Variants in CDH4 observed in about 807,000 individuals in gnomAD.
CDH4 encodes cadherin-4.
A neutral mutation model predicts 86.0 loss-of-function variants in CDH4; 33 were observed. That is an observed-to-expected ratio of 0.38 (90% confidence interval 0.29 to 0.51). The LOEUF (loss-of-function observed/expected upper bound fraction) is 0.51. Among genes scored for constraint, CDH4 ranks in the 20% least tolerant of loss-of-function variants. The probability of loss-of-function intolerance (pLI) is 0.86; values close to 1 mark genes in which losing one functional copy is unlikely to be tolerated. For missense variants in CDH4, 1,114 were observed against 1,307.4 expected (o/e 0.85, Z 2.28); for synonymous variants, 555 against 549.4 (o/e 1.01, Z -0.14).
At chr20:61,303,458 G>C (rs1600849766) in intron 2 of CDH4, among the ~76,000 whole-genome samples, 1 of 62,936 alleles carries the variant, frequency 1.6e-5, no homozygotes, top group South Asian at 7.6e-4. Context: ...CCCTGCTCTT[G>C]CCATTTTTTT....
At chr20:61,779,678 G>C (rs907712800) in intron 4 of CDH4, among the ~76,000 whole-genome samples, 4 of 152,280 alleles carry the variant, frequency 2.6e-5, no homozygotes, top group Non-Finnish European at 5.9e-5. Flanking sequence ...TGTGAACAGA[G>C]ATGGGCTGGG....
chr20:61,885,409 C>T (rs151023117), intron 7 of CDH4, among the ~76,000 whole-genome samples: 17 of 152,268 alleles, frequency 1.1e-4, no homozygotes, highest in African/African-American at 2.9e-4. Context: ...CCATGCATGG[C>T]GTTTCGTGTC....
chr20:61,808,762 G>A (rs1913745453), intron 4 of CDH4, among the ~76,000 whole-genome samples: 1 of 152,266 alleles, frequency 6.6e-6, no homozygotes, highest in African/African-American at 2.4e-5. Flanking sequence ...CGCTGGCCAA[G>A]GGCGAGTGTC....
At chr20:61,396,317 C>T (rs983122452) in intron 2 of CDH4, among the ~76,000 whole-genome samples, 1 of 152,242 alleles carries the variant, frequency 6.6e-6, no homozygotes, top group Middle Eastern at 3.4e-3. Flanking sequence ...GAGGCCCCTT[C>T]CTTGGAGACC....
chr20:61,910,605 A>G lies in CDH4; in HGVS notation c.1372A>G (p.Lys458Glu). The G allele has an allele frequency of 3.7e-6, 6 of 1,613,132 alleles. No homozygotes were observed. The highest frequency in any genetic ancestry group is 5.1e-6 in the Non-Finnish European group (6 of 1,179,622). ...VTNEGMVTVV[K>E]AVDYELNRAF... ...CAACGAGGGCATGGTCACCGTGGTG[A>G]AGGTGCGTACTCTTCTCACACCCTG... is the stretch of plus-strand genomic sequence containing the variant. Residue 458 changes from lysine to glutamate, a missense_variant and splice_region_variant, in exon 9 of 16, where the codon AAG (lysine) becomes GAG (glutamate). Around this residue, in one of 3 missense-constraint regions of CDH4, gnomAD observed 705 missense variants for 914.1 expected, o/e 0.77. Coordinates refer to ENST00000614565, the MANE Select transcript of CDH4 (RefSeq NM_001794.5).
chr20:61,778,541 C>G (rs1185587604), intron 4 of CDH4, among the ~76,000 whole-genome samples: 1 of 152,034 alleles, frequency 6.6e-6, no homozygotes. Flanking sequence ...AGGGGTGGCT[C>G]TAATTGGCGG....
At chr20:61,682,234 A>G (rs1303810085) in intron 2 of CDH4, among the ~76,000 whole-genome samples, 1 of 151,234 alleles carries the variant, frequency 6.6e-6, no homozygotes, top group Non-Finnish European at 1.5e-5. Context: ...GGATGGATGG[A>G]TGGTTGGACA....
rs536688353 is a variant in CDH4, at chr20:61,312,870, C to A, written c.169+57933C>A. Among the ~76,000 whole-genome samples, 27 of 152,300 alleles carry A rather than the reference C, an allele frequency of 1.8e-4. No homozygotes were observed. The South Asian group carries it at 5.6e-3, about 32-fold the overall frequency. The stretch of plus-strand genomic sequence containing the variant: ...GCCTGCATTTCCCACCCATCCTCGG[C>A]TTGCTCTTGCCTGCCCAGTGCAGAG... On this transcript the variant is annotated intron_variant, in intron 2 of 15. Coordinates refer to ENST00000614565, the MANE Select transcript of CDH4 (RefSeq NM_001794.5).
chr20:61,465,057 C>T (rs1157928775), intron 2 of CDH4, among the ~76,000 whole-genome samples: 1 of 152,210 alleles, frequency 6.6e-6, no homozygotes, highest in East Asian at 1.9e-4. Flanking sequence ...TATGCCTTCA[C>T]ATTTAAAAGA....
In CDH4 at chr20:61,676,376, A is replaced by G. The variant is rs562487578; in HGVS notation, c.170-67187A>G. ...GCATTAGCACCTTCTTTCCATTCCA[A>G]TTTGGATCTTCCAAGGCATCCATCT... On this transcript the variant is annotated intron_variant, in intron 2 of 15. Transcript: ENST00000614565. This position sits in a 1 kb window ranked among gnomAD's most constrained non-coding sequence, Gnocchi z 4.5. Among the ~76,000 whole-genome samples the G allele has an allele frequency of 1.3e-5, 2 of 152,276 alleles. No individual in the cohort carries two copies. The highest frequency in any genetic ancestry group is 2.4e-5 in the African/African-American group (1 of 41,566).
intron 2 of CDH4, among the ~76,000 whole-genome samples, chr20:61,696,550 C>T (rs948971375): frequency 7.9e-5 from 12 of 152,214 alleles, no homozygotes; most frequent in Admixed American, 4.6e-4. Flanking sequence ...GTCCTTAAGA[C>T]GGGACCGGGG....
chr20:61,781,883 C>T (rs1031784818), intron 4 of CDH4, among the ~76,000 whole-genome samples: 1 of 152,152 alleles, frequency 6.6e-6, no homozygotes, highest in Non-Finnish European at 1.5e-5. Flanking sequence ...GCAATATGTC[C>T]GGGGCAGCAG....
rs1423144437 is a variant in CDH4, at chr20:61,937,132, T to C, written c.*189T>C. The C allele has an allele frequency of 5.3e-6, 2 of 379,790 alleles. No individual in the cohort carries two copies. Among genetic ancestry groups the C allele is most frequent in the East Asian group, 4.2e-5 (1 of 23,662 alleles). 23.5% of individuals were successfully genotyped at this position (379,790 alleles called of 1,614,324 possible). ...CCCACAGCGCCCTGCACCCGGCCGC[T>C]GCCCAGCACCGCGCTGGCTGGCACT... On this transcript the variant is annotated 3_prime_UTR_variant, in exon 16 of 16. Transcript: ENST00000614565.
intron 2 of CDH4, among the ~76,000 whole-genome samples, chr20:61,696,241 C>A (rs910573777): frequency 1.3e-5 from 2 of 152,234 alleles, no homozygotes; most frequent in Admixed American, 6.5e-5. Flanking sequence ...CCCCACAAAC[C>A]AACAAGGCCG....
intron 4 of CDH4, among the ~76,000 whole-genome samples, chr20:61,775,848 T>C (rs187243696): frequency 6.6e-6 from 1 of 152,310 alleles, no homozygotes; most frequent in East Asian, 1.9e-4. Flanking sequence ...CCTGATGATC[T>C]AGGACTGAAA....
chr20:61,354,258 G>GT (rs1326384685), intron 2 of CDH4, among the ~76,000 whole-genome samples: 4 of 152,114 alleles, frequency 2.6e-5, no homozygotes, highest in African/African-American at 9.7e-5. Context: ...CCGGCAGCAC[G>GT]TGAGTGGGAG....
intron 2 of CDH4, among the ~76,000 whole-genome samples, chr20:61,318,617 CAGG>C (rs2123236872): frequency 6.6e-6 from 1 of 152,260 alleles, no homozygotes; most frequent in South Asian, 2.1e-4. Context: ...GGTTCGTGCC[CAGG>C]AGGAGCCTGG....
chr20:61,258,220 C>T (rs979739515), intron 2 of CDH4, among the ~76,000 whole-genome samples: 2 of 146,782 alleles, frequency 1.4e-5, no homozygotes, highest in East Asian at 4.2e-4. Flanking sequence ...GTCCCAGCTA[C>T]GTGAGAGGCT....
intron 2 of CDH4, among the ~76,000 whole-genome samples, chr20:61,620,727 G>A (rs1002642808): frequency 1.3e-5 from 2 of 152,166 alleles, no homozygotes; most frequent in Non-Finnish European, 2.9e-5. Flanking sequence ...GCTCCTGGGA[G>A]AGCAATGTTT....
Sources: allele counts gnomAD v4.1 joint callset (sites outside exome capture counted in the v4.1 genomes callset), GRCh38; gene constraint gnomAD v4.1.1; regional missense constraint gnomAD v4.1.1; non-coding constraint Gnocchi (gnomAD v3.1); transcripts MANE v1.5; gene names NCBI Gene and HGNC (gene_info 2026-07-23, HGNC 2026-07-21).